The following SATB2 variants were observed in gnomAD, a reference collection of about 807,000 sequenced individuals.
SATB2 encodes the protein DNA-binding protein SATB2.
In SATB2, 1 loss-of-function variant was observed where a neutral mutation model predicts 73.4. The ratio of observed to expected loss-of-function variants is 0.01; its 90% CI spans 0.00 to 0.06. SATB2 has a LOEUF of 0.06. Among genes scored for constraint, SATB2 ranks in the 10% least tolerant of loss-of-function variants. The pLI is 1.00. For missense variants in SATB2, 459 were observed against 945.8 expected, an observed-to-expected ratio of 0.49 and a Z score of 6.75; for synonymous variants, 397 against 367.0, an observed-to-expected ratio of 1.08 and a Z score of -0.93.
intron 3 of SATB2, among the ~76,000 whole-genome samples, chr2:199,383,519 C>T (rs1054234734): frequency 3.9e-5 from 6 of 152,080 alleles, no homozygotes; most frequent in Admixed American, 3.3e-4. Flanking sequence ...AAAGTCATTA[C>T]CATGATCACC....
intron 2 of SATB2, among the ~76,000 whole-genome samples, chr2:199,449,157 A>AG (rs532461693): frequency 9.7e-4 from 147 of 152,200 alleles, no homozygotes; most frequent in African/African-American, 3.3e-3. Flanking sequence ...TCAATTAAAA[A>AG]GGGGAAAAAA....
intron 5 of SATB2, among the ~76,000 whole-genome samples, chr2:199,375,012 C>G (rs1322423727): frequency 1.3e-5 from 2 of 151,698 alleles, no homozygotes; most frequent in African/African-American, 4.8e-5. Flanking sequence ...ACAAGACTGT[C>G]TCTTTAGTCA....
At chr2:199,378,499 C>G (rs1376593948) in intron 5 of SATB2, among the ~76,000 whole-genome samples, 1 of 152,162 alleles carries the variant, frequency 6.6e-6, no homozygotes, top group South Asian at 2.1e-4. Flanking sequence ...TACATACATA[C>G]CTACAGGTAG....
intron 8 of SATB2, among the ~76,000 whole-genome samples, chr2:199,328,023 T>C (rs1398783441): frequency 2.6e-5 from 4 of 152,248 alleles, no homozygotes; most frequent in East Asian, 3.9e-4. Flanking sequence ...GGGAAAGCAG[T>C]GTGCTTGCTA....
chr2:199,461,294 T>C (rs1692470547), upstream of SATB2, among the ~76,000 whole-genome samples: 1 of 152,232 alleles, frequency 6.6e-6, no homozygotes, highest in Non-Finnish European at 1.5e-5. Flanking sequence ...TTGACCTTAT[T>C]TCAACTGAAG....
Position 199,350,344 on chromosome 2 carries a change from T to TA in SATB2, c.701-1172dup, listed in dbSNP as rs35456542. On this transcript the variant is annotated intron_variant, in intron 6 of 10. Transcript: ENST00000417098. ...TAACCGTGACAGAATCATGGTTTTA[T>TA]AAAAAAAAAAAAAATACTGAGTCTC... Among the ~76,000 whole-genome samples the TA allele has an allele frequency of 8.1e-3, 1,115 of 137,854 alleles. 12 individuals carry two copies. The highest frequency in any genetic ancestry group is 0.013 in the Non-Finnish European group (817 of 63,152). The allele number at this position is 137,854 out of a possible 152,430, so 90.4% of individuals were successfully genotyped here. A position where few individuals can be genotyped will look rare whatever the true frequency, so the allele number is the denominator to read the frequency against.
chr2:199,419,450 T>C (rs1289796895), intron 3 of SATB2, among the ~76,000 whole-genome samples: 5 of 152,362 alleles, frequency 3.3e-5, no homozygotes, highest in Non-Finnish European at 7.3e-5. Context: ...GGAGTAAGTT[T>C]ATGCTAAAGA....
chr2:199,359,470 T>G (rs1257382468), intron 6 of SATB2, among the ~76,000 whole-genome samples: 3 of 152,172 alleles, frequency 2.0e-5, no homozygotes, highest in African/African-American at 7.2e-5. Flanking sequence ...ATTTGCAACA[T>G]GAACTAAACA....
chr2:199,427,926 GATA>G lies in SATB2; in HGVS notation c.346+5409_346+5411del, dbSNP rs571396277. 4.7e-3 allele frequency among the ~76,000 whole-genome samples: 713 copies of G among 152,146 alleles called. 4 individuals carry two copies. The highest frequency in any genetic ancestry group is 6.9e-3 in the Non-Finnish European group (470 of 68,006). The stretch of plus-strand genomic sequence containing the variant: ...ATATATAATAAATGAATAATAAAGT[GATA>G]ATAATAAAGGCATTCATTTTTTATA... On this transcript the variant is annotated intron_variant, in intron 3 of 10. Coordinates refer to ENST00000417098, the MANE Select transcript of SATB2 (RefSeq NM_001172509.2).
At chr2:199,451,738 G>A (rs1692129959) in intron 2 of SATB2, among the ~76,000 whole-genome samples, 1 of 152,050 alleles carries the variant, frequency 6.6e-6, no homozygotes, top group African/African-American at 2.4e-5. Flanking sequence ...TGTTCCACAT[G>A]TAGACAATTA....
At chr2:199,328,495 C>A (rs1056584553) in intron 8 of SATB2, among the ~76,000 whole-genome samples, 3 of 151,928 alleles carry the variant, frequency 2.0e-5, no homozygotes, top group Non-Finnish European at 4.4e-5. Flanking sequence ...GAGCCGAGAT[C>A]ATGCTACTGC....
chr2:199,355,348 C>CTATATATATATATATCTATATA (rs1688947865), intron 6 of SATB2, among the ~76,000 whole-genome samples: 1 of 134,186 alleles, frequency 7.5e-6, no homozygotes, highest in African/African-American at 3.0e-5. Context: ...GTGTGTGTAT[C>CTATATATATATATATCTATATA]TATATATATA....
chr2:199,303,890 C>A (rs1687354087), intron 10 of SATB2, among the ~76,000 whole-genome samples: 1 of 152,138 alleles, frequency 6.6e-6, no homozygotes, highest in Admixed American at 6.6e-5. Flanking sequence ...TGTCAGGAAA[C>A]CACACAGCAG....
chr2:199,454,061 C>A (rs1402264437), intron 2 of SATB2, among the ~76,000 whole-genome samples: 1 of 151,992 alleles, frequency 6.6e-6, no homozygotes, highest in Non-Finnish European at 1.5e-5. Flanking sequence ...CATAAGGGCT[C>A]AAATGTGAAC....
intron 3 of SATB2, among the ~76,000 whole-genome samples, chr2:199,418,032 C>T (rs1691046363): frequency 6.6e-6 from 1 of 152,158 alleles, no homozygotes; most frequent in Admixed American, 6.6e-5. Context: ...CTGTATCTGG[C>T]TTCTGCATTG....
chr2:199,456,668 C>G (rs1016048079), intron 1 of SATB2, among the ~76,000 whole-genome samples: 1 of 152,164 alleles, frequency 6.6e-6, no homozygotes, highest in Non-Finnish European at 1.5e-5. Context: ...TAAAATCAAC[C>G]CTAATTCCAC....
chr2:199,395,484 C>T (rs921995379), intron 3 of SATB2, among the ~76,000 whole-genome samples: 3 of 152,084 alleles, frequency 2.0e-5, no homozygotes, highest in Non-Finnish European at 4.4e-5. Flanking sequence ...TTCTTGCACA[C>T]TTGGACACAT....
At position 199,308,593 on chromosome 2, in the gene SATB2, C is replaced by G. The variant is rs1278276984; in HGVS notation, c.1740+167G>C. On this transcript the variant is annotated intron_variant, in intron 10 of 10. Coordinates refer to ENST00000417098, the MANE Select transcript of SATB2 (RefSeq NM_001172509.2). This position sits in a 1 kb window ranked among gnomAD's most constrained non-coding sequence, Gnocchi z 4.6. ...GCACATGCACACACACACACATACA[C>G]ATACACACAGTACCCACTGTGACGA... Among the ~76,000 whole-genome samples, 3 of 152,066 alleles carry G rather than the reference C, an allele frequency of 2.0e-5. No homozygotes were observed. The highest frequency in any genetic ancestry group is 4.8e-5 in the African/African-American group (2 of 41,402).
intron 7 of SATB2, among the ~76,000 whole-genome samples, chr2:199,336,536 T>C (rs1688342792): frequency 6.6e-6 from 1 of 152,222 alleles, no homozygotes; most frequent in Non-Finnish European, 1.5e-5. Context: ...CCTTCAGATA[T>C]AAGCAAAGCA....
Sources: allele counts gnomAD v4.1 joint callset (sites outside exome capture counted in the v4.1 genomes callset), GRCh38; gene constraint gnomAD v4.1.1; non-coding constraint Gnocchi (gnomAD v3.1); transcripts MANE v1.5; gene names NCBI Gene and HGNC (gene_info 2026-07-23, HGNC 2026-07-21).